Variants in NBEA observed in about 807,000 individuals in gnomAD.
The protein encoded by NBEA is neurobeachin, also known as lysosomal-trafficking regulator 2.
A neutral mutation model predicts 343.4 loss-of-function variants in NBEA; 44 were observed. The ratio of observed to expected loss-of-function variants is 0.13; its 90% CI spans 0.10 to 0.16. The LOEUF (loss-of-function observed/expected upper bound fraction) is 0.16, where lower values mean the gene tolerates loss of function less well. Ranked by LOEUF, NBEA falls within the 10% of genes least tolerant of loss-of-function variation. The pLI, the probability that NBEA is intolerant of heterozygous loss-of-function variation, is 1.00. For synonymous variants in NBEA, 1,175 were observed against 1,238.7 expected (o/e 0.95, Z 1.08); for missense variants, 2,555 against 3,631.3 (o/e 0.70, Z 7.62).
intron 45 of NBEA, among the ~76,000 whole-genome samples, chr13:35,569,069 A>G (rs2080272670): frequency 6.6e-6 from 1 of 152,224 alleles, no homozygotes; most frequent in Admixed American, 6.5e-5. Context: ...CATCAGTATT[A>G]GCTAATGCTA....
intron 48 of NBEA, among the ~76,000 whole-genome samples, chr13:35,624,827 AATAC>A (rs1009592963): frequency 1.4e-4 from 21 of 152,182 alleles, no homozygotes; most frequent in Middle Eastern, 3.4e-3. Flanking sequence ...AGACATGATA[AATAC>A]ATAGGAGAGA....
Position 35,098,417 on chromosome 13 carries a change from G to A in NBEA, c.1680+12G>A. On this transcript the variant is annotated intron_variant, in intron 11 of 58. Transcript: ENST00000379939. ...ACTTACTTGAAAAGGTAAGTGATAT[G>A]TGTTGATGGTTTTATTGTGTAGCTT... The A allele has an allele frequency of 6.5e-7, 1 of 1,535,386 alleles. No homozygotes were observed. The highest frequency in any genetic ancestry group is 8.9e-7 in the Non-Finnish European group (1 of 1,126,254).
intron 35 of NBEA, among the ~76,000 whole-genome samples, chr13:35,301,258 G>A (rs1020368301): frequency 2.6e-5 from 4 of 151,718 alleles, no homozygotes; most frequent in African/African-American, 9.7e-5. Flanking sequence ...TGCCATCGTG[G>A]TTTGCTGCAC....
At chr13:35,409,032 G>T (rs886231973) in intron 38 of NBEA, among the ~76,000 whole-genome samples, 6 of 152,140 alleles carry the variant, frequency 3.9e-5, no homozygotes, top group Non-Finnish European at 7.3e-5. Context: ...CTGTTATAAA[G>T]ACACATGCAT....
intron 45 of NBEA, among the ~76,000 whole-genome samples, chr13:35,581,905 G>GAA (rs66496898): frequency 6.6e-5 from 8 of 121,382 alleles, no homozygotes; most frequent in East Asian, 3.2e-4. Context: ...AAAAAGAAAA[G>GAA]AAAAAAAAAG....
intron 32 of NBEA, among the ~76,000 whole-genome samples, chr13:35,209,848 G>A (rs1195389120): frequency 6.6e-6 from 1 of 151,940 alleles, no homozygotes; most frequent in Non-Finnish European, 1.5e-5. Context: ...ATTTATATTG[G>A]CAAATGAATG....
intron 1 of NBEA, among the ~76,000 whole-genome samples, chr13:34,999,753 A>G (rs1361023065): frequency 6.6e-6 from 1 of 152,048 alleles, no homozygotes; most frequent in Non-Finnish European, 1.5e-5. Flanking sequence ...AGACACTATT[A>G]TTATCCACAC....
At chr13:35,211,875 A>T (rs552200646) in intron 33 of NBEA, among the ~76,000 whole-genome samples, 2 of 152,220 alleles carry the variant, frequency 1.3e-5, no homozygotes, top group South Asian at 2.1e-4. Flanking sequence ...TTCAAAATAA[A>T]TCTACAATGT....
chr13:35,619,468 G>T (rs1440655908), intron 48 of NBEA, among the ~76,000 whole-genome samples: 1 of 152,086 alleles, frequency 6.6e-6, no homozygotes, highest in Non-Finnish European at 1.5e-5. Flanking sequence ...CAAAAAACCT[G>T]CTGTTTATAT....
At chr13:35,581,605 T>G (rs1472330238) in intron 45 of NBEA, among the ~76,000 whole-genome samples, 1 of 151,312 alleles carries the variant, frequency 6.6e-6, no homozygotes, top group Non-Finnish European at 1.5e-5. Flanking sequence ...AAATTGGAAA[T>G]CATCATTCTC....
At chr13:35,398,537 A>C (rs114370778) in intron 38 of NBEA, among the ~76,000 whole-genome samples, 1 of 152,170 alleles carries the variant, frequency 6.6e-6, no homozygotes, top group South Asian at 2.1e-4. Flanking sequence ...TTGTGTTTGC[A>C]GGCATGAAAA....
chr13:34,989,955 G>A (rs1169225199), intron 1 of NBEA, among the ~76,000 whole-genome samples: 3 of 151,122 alleles, frequency 2.0e-5, no homozygotes, highest in Admixed American at 6.6e-5. Context: ...AGCCCAGAAA[G>A]GCAGTCATCA....
intron 1 of NBEA, among the ~76,000 whole-genome samples, chr13:35,030,361 G>A (rs1324291153): frequency 2.0e-5 from 3 of 151,280 alleles, no homozygotes; most frequent in African/African-American, 7.3e-5. Flanking sequence ...TCTTCATAGA[G>A]CTTTATAAAT....
At chr13:35,054,840 C>T (rs1229679854) in intron 6 of NBEA, among the ~76,000 whole-genome samples, 1 of 151,796 alleles carries the variant, frequency 6.6e-6, no homozygotes, top group East Asian at 1.9e-4. Context: ...CACGGGGTTT[C>T]ACCATGTTGG....
chr13:35,298,189 G>A (rs547721740), intron 35 of NBEA, among the ~76,000 whole-genome samples: 2 of 58,342 alleles, frequency 3.4e-5, no homozygotes, highest in African/African-American at 8.6e-5. Flanking sequence ...GTGTGTGTAT[G>A]TGTGTGTGTG....
At chr13:35,325,370 A>T (rs557267169) in intron 36 of NBEA, among the ~76,000 whole-genome samples, 1 of 152,014 alleles carries the variant, frequency 6.6e-6, no homozygotes, top group South Asian at 2.1e-4. Context: ...AGATGTTTTG[A>T]TACAGGGATA....
intron 16 of NBEA, among the ~76,000 whole-genome samples, chr13:35,122,023 C>CT (rs1046074180): frequency 8.6e-5 from 13 of 151,606 alleles, no homozygotes; most frequent in African/African-American, 2.4e-4. Context: ...AAACAAATTA[C>CT]TTTTTTTAAT....
intron 45 of NBEA, among the ~76,000 whole-genome samples, chr13:35,576,500 A>G (rs556437743): frequency 6.6e-6 from 1 of 152,302 alleles, no homozygotes; most frequent in Non-Finnish European, 1.5e-5. Context: ...TAAATTTATC[A>G]AAGTTAAAAT....
intron 38 of NBEA, among the ~76,000 whole-genome samples, chr13:35,416,501 T>C (rs908430297): frequency 3.3e-5 from 5 of 152,170 alleles, no homozygotes; most frequent in African/African-American, 1.2e-4. Context: ...AATCATGTGG[T>C]TTTTGTCTTT....
Sources: gnomAD v4.1 joint callset for allele counts (sites outside exome capture counted in the v4.1 genomes callset) on GRCh38, gnomAD v4.1.1 for gene constraint, MANE v1.5 for transcripts, NCBI Gene and HGNC (gene_info 2026-07-23, HGNC 2026-07-21) for gene names.